The following IL1RAPL2 variants were observed in gnomAD, a reference collection of about 807,000 sequenced individuals.
IL1RAPL2 encodes interleukin 1 receptor accessory protein like 2.
A neutral mutation model predicts 44.1 loss-of-function variants in IL1RAPL2; 3 were observed. The ratio of observed to expected loss-of-function variants is 0.07; its 90% CI spans 0.03 to 0.18. The LOEUF (loss-of-function observed/expected upper bound fraction) is 0.18, where lower values mean the gene tolerates loss of function less well. Among genes scored for constraint, IL1RAPL2 ranks in the 10% least tolerant of loss-of-function variants. IL1RAPL2 has a pLI of 1.00. For synonymous variants in IL1RAPL2, 181 were observed against 178.8 expected, an observed-to-expected ratio of 1.01 and a Z score of -0.10; for missense variants, 391 against 496.4, an observed-to-expected ratio of 0.79 and a Z score of 2.02.
At chrX:105,708,178 C>G (rs1243188646) in intron 6 of IL1RAPL2, among the ~76,000 whole-genome samples, 2 of 111,396 alleles carry the variant, frequency 1.8e-5, no homozygotes, top group Non-Finnish European at 3.8e-5. Flanking sequence ...TTAAAGGATC[C>G]TTGTGGGATT....
intron 2 of IL1RAPL2, among the ~76,000 whole-genome samples, chrX:105,068,149 C>T (rs2032161873): frequency 9.0e-6 from 1 of 111,220 alleles, no homozygotes; most frequent in African/African-American, 3.3e-5. Flanking sequence ...TTAAGAAAAA[C>T]CCTGGTCTAC....
chrX:104,584,007 G>A (rs765827321), intron 1 of IL1RAPL2, among the ~76,000 whole-genome samples: 1 of 111,085 alleles, frequency 9.0e-6, no homozygotes, highest in South Asian at 3.9e-4. Flanking sequence ...GTGGAGTCCC[G>A]GGTTCCTCAA....
chrX:104,855,832 TTTTTTA>T (rs1922350818), intron 2 of IL1RAPL2, among the ~76,000 whole-genome samples: 1 of 108,036 alleles, frequency 9.3e-6, no homozygotes, highest in Non-Finnish European at 1.9e-5. Context: ...ACCTGGCTAA[TTTTTTA>T]TTTTTATTTT....
chrX:105,608,591 G>C (rs771041849), intron 6 of IL1RAPL2, among the ~76,000 whole-genome samples: 5 of 112,109 alleles, frequency 4.5e-5, no homozygotes, highest in Non-Finnish European at 9.4e-5. Flanking sequence ...ACCATGAAAT[G>C]TAATTGTTTT....
At chrX:104,893,646 C>T (rs1037906342) in intron 2 of IL1RAPL2, among the ~76,000 whole-genome samples, 1 of 111,297 alleles carries the variant, frequency 9.0e-6, no homozygotes, top group Non-Finnish European at 1.9e-5. Flanking sequence ...CTTGGTAGAT[C>T]TTCCTCCATC....
chrX:104,614,919 C>G lies in IL1RAPL2; in HGVS notation c.-19-43976C>G, dbSNP rs772581023. 3.6e-5 allele frequency among the ~76,000 whole-genome samples: 4 copies of G among 111,377 alleles called. No homozygotes were observed. The South Asian group carries it at 1.5e-3, about 42-fold the overall frequency. On this transcript the variant is annotated intron_variant, in intron 1 of 10. Coordinates refer to ENST00000372582, the MANE Select transcript of IL1RAPL2 (RefSeq NM_017416.2). The stretch of plus-strand genomic sequence containing the variant: ...GGTCTCTTAAGACAGCAATGGATTT[C>G]TCTCATTTTTTAATCCACTTACCAC...
intron 7 of IL1RAPL2, among the ~76,000 whole-genome samples, chrX:105,722,736 G>A (rs1194796766): frequency 9.0e-6 from 1 of 111,370 alleles, no homozygotes; most frequent in Non-Finnish European, 1.9e-5. Context: ...AAATACCTTA[G>A]ACTGGGGTAA....
At chrX:105,558,415 A>G (rs760744670) in intron 6 of IL1RAPL2, among the ~76,000 whole-genome samples, 9 of 111,468 alleles carry the variant, frequency 8.1e-5, no homozygotes, top group Non-Finnish European at 1.3e-4. Context: ...TTTTCCTACT[A>G]TCTTCATTCC....
chrX:105,245,715 G>C (rs2034213375), intron 4 of IL1RAPL2, among the ~76,000 whole-genome samples: 1 of 112,371 alleles, frequency 8.9e-6, no homozygotes, highest in East Asian at 2.8e-4. Context: ...CAGAAATGTG[G>C]AGTCATTTTA....
intron 5 of IL1RAPL2, among the ~76,000 whole-genome samples, chrX:105,374,945 CA>C (rs149097097): frequency 0.011 from 332 of 29,101 alleles, 4 homozygotes; most frequent in African/African-American, 0.019. Context: ...GACTCCATCT[CA>C]AAAAAAAAAA....
At chrX:105,424,782 A>T (rs1037892816) in intron 5 of IL1RAPL2, among the ~76,000 whole-genome samples, 4 of 109,912 alleles carry the variant, frequency 3.6e-5, no homozygotes, top group Non-Finnish European at 7.6e-5. Flanking sequence ...AAAAAATAAA[A>T]ATTAAAAAAA....
intron 3 of IL1RAPL2, among the ~76,000 whole-genome samples, chrX:105,228,072 C>A (rs1042854062): frequency 1.8e-5 from 2 of 111,738 alleles, no homozygotes; most frequent in African/African-American, 6.5e-5. Flanking sequence ...GTATCAGTTG[C>A]TAGTTCTTAT....
At chrX:104,950,098 G>A (rs1925528226) in intron 2 of IL1RAPL2, among the ~76,000 whole-genome samples, 2 of 111,357 alleles carry the variant, frequency 1.8e-5, no homozygotes, top group Non-Finnish European at 3.8e-5. Context: ...ATGAATCTGG[G>A]TGCTCCTGTA....
intron 1 of IL1RAPL2, among the ~76,000 whole-genome samples, chrX:104,572,753 C>T (rs975734846): frequency 1.8e-5 from 2 of 110,558 alleles, no homozygotes; most frequent in South Asian, 3.9e-4. Context: ...GTGCATGCCA[C>T]CATGCCCGGC....
intron 2 of IL1RAPL2, among the ~76,000 whole-genome samples, chrX:104,660,552 TTA>T (rs1408239220): frequency 1.0e-5 from 1 of 95,490 alleles, no homozygotes; most frequent in Non-Finnish European, 2.1e-5. Context: ...TATATATATT[TTA>T]TATATATTTA....
intron 2 of IL1RAPL2, among the ~76,000 whole-genome samples, chrX:104,911,259 T>A (rs1180592043): frequency 8.9e-6 from 1 of 111,991 alleles, no homozygotes; most frequent in Non-Finnish European, 1.9e-5. Flanking sequence ...ACATTAACAA[T>A]TTCAGAAAAG....
At chrX:104,940,585 G>A (rs963322594) in intron 2 of IL1RAPL2, among the ~76,000 whole-genome samples, 1 of 110,830 alleles carries the variant, frequency 9.0e-6, no homozygotes, top group African/African-American at 3.3e-5. Flanking sequence ...GGGGTTTATT[G>A]TGGCTCTCGT....
intron 4 of IL1RAPL2, among the ~76,000 whole-genome samples, chrX:105,253,837 C>T (rs1157277153): frequency 1.8e-5 from 2 of 111,718 alleles, no homozygotes; most frequent in African/African-American, 6.5e-5. Context: ...TTGCTAAGGA[C>T]AATAGCCTCC....
At chrX:105,602,784 T>A (rs2037263287) in intron 6 of IL1RAPL2, among the ~76,000 whole-genome samples, 1 of 105,509 alleles carries the variant, frequency 9.5e-6, no homozygotes, top group African/African-American at 3.5e-5. Context: ...GGTGATATAT[T>A]TAAAGTACCA....
Sources: gnomAD v4.1 joint callset for allele counts (sites outside exome capture counted in the v4.1 genomes callset) on GRCh38, gnomAD v4.1.1 for gene constraint, MANE v1.5 for transcripts, NCBI Gene and HGNC (gene_info 2026-07-23, HGNC 2026-07-21) for gene names.